SKOR1: variants seen among roughly 807,000 people sequenced by gnomAD.
SKOR1 encodes the protein LBX1 corepressor 1.
SKOR1 carries 38 observed loss-of-function variants against 72.4 expected under a neutral mutation model. The ratio of observed to expected loss-of-function variants is 0.52; its 90% CI spans 0.40 to 0.69. The LOEUF (loss-of-function observed/expected upper bound fraction) is 0.69. Ranked by LOEUF, SKOR1 falls within the 30% of genes least tolerant of loss-of-function variation. The pLI, the probability that SKOR1 is intolerant of heterozygous loss-of-function variation, is 0.00. For synonymous variants in SKOR1, 642 were observed against 599.4 expected (o/e 1.07, Z -1.04); for missense variants, 1,320 against 1,343.2 (o/e 0.98, Z 0.27).
chr15:67,833,946 A>C lies in SKOR1; in HGVS notation c.*110A>C. ...AAGCCATTCGGACCCGACCGATGTA[A>C]ATACAGCCGCCCGTCCGCCCGCCTT... On this transcript the variant is annotated 3_prime_UTR_variant, in exon 9 of 9. Transcript: ENST00000380035. The surrounding 1 kb of genome is among the most constrained non-coding windows in gnomAD (Gnocchi z 6.0). 1 of 1,207,110 alleles carries C rather than the reference A, an allele frequency of 8.3e-7. No individual in the cohort carries two copies. Among genetic ancestry groups the C allele is most frequent in the South Asian group, 1.2e-5 (1 of 81,796 alleles). The allele number at this position is 1,207,110 out of a possible 1,614,324, so 74.8% of individuals were successfully genotyped here. A position where few individuals can be genotyped will look rare whatever the true frequency, so the allele number is the denominator to read the frequency against.
Position 67,833,877 on chromosome 15 carries a change from C to A in SKOR1, c.*41C>A. The A allele has an allele frequency of 8.2e-6, 13 of 1,582,706 alleles. No homozygotes were observed. Among genetic ancestry groups the A allele is most frequent in the Non-Finnish European group, 1.1e-5 (13 of 1,161,708 alleles). On this transcript the variant is annotated 3_prime_UTR_variant, in exon 9 of 9. Transcript: ENST00000380035. The surrounding 1 kb of genome is among the most constrained non-coding windows in gnomAD (Gnocchi z 6.0). The stretch of plus-strand genomic sequence containing the variant: ...ACCCCTGCGCCCTCAAGCCATGCTG[C>A]TCCTTGTAAATACCCGCTGCTGCGG...
chr15:67,831,910 G>GGGGGGGGC (rs2091010978), intron 5 of SKOR1, among the ~76,000 whole-genome samples: 4 of 147,466 alleles, frequency 2.7e-5, no homozygotes, highest in African/African-American at 1.0e-4. Flanking sequence ...GTGCGGGGGG[G>GGGGGGGGC]GGAGGTCGGG....
In SKOR1 at chr15:67,825,838, C is replaced by A; in HGVS notation, c.108-98C>A. 6.6e-7 allele frequency: 1 copy of A among 1,516,080 alleles called. No homozygotes were observed. 93.9% of individuals were successfully genotyped at this position (1,516,080 alleles called of 1,614,324 possible). Reference sequence around the variant, plus strand: ...TTGGACTCCCCACTGCCAAGTATCCCCCGCGCGCCCAACTCGGAGCGCCCT... The same window carrying A: ...TTGGACTCCCCACTGCCAAGTATCCACCGCGCGCCCAACTCGGAGCGCCCT... On this transcript the variant is annotated intron_variant, in intron 1 of 8. Transcript: ENST00000380035. The surrounding 1 kb of genome is among the most constrained non-coding windows in gnomAD (Gnocchi z 5.6).
In SKOR1 at chr15:67,827,564, C is replaced by T. The variant is rs1566975992; in HGVS notation, c.1736C>T (p.Pro579Leu). Residue 579 changes from proline to leucine, a missense_variant, in exon 2 of 9, where the codon CCC becomes CTC. Around this residue, in one of 3 missense-constraint regions of SKOR1, gnomAD observed 1,099 missense variants for 1,025.5 expected, o/e 1.07. Transcript: ENST00000380035. ...CTGCCACCGCCCCTGGCCCCGTTGCCCCCGCCGCCCCCGCCGCCCGCACGC... is the reference window on the plus strand; with the variant it reads ...CTGCCACCGCCCCTGGCCCCGTTGCTCCCGCCGCCCCCGCCGCCCGCACGC... ...EALPPPLAPL[P>L]PPPPPPARKG... is the part of the protein sequence containing the mutation. 1.3e-6 allele frequency: 2 copies of T among 1,517,560 alleles called. No homozygotes were observed. Among genetic ancestry groups the T allele is most frequent in the Non-Finnish European group, 8.8e-7 (1 of 1,140,120 alleles). 94.0% of individuals were successfully genotyped at this position (1,517,560 alleles called of 1,614,324 possible).
intron 5 of SKOR1, 85 bp downstream of exon 5, chr15:67,830,974 G>T (rs1300772140): frequency 3.6e-6 from 5 of 1,400,158 alleles, no homozygotes; most frequent in Admixed American, 1.7e-5. Flanking sequence ...CCTGTAGGGG[G>T]TGAGTGTGGA....
Position 67,832,712 on chromosome 15 carries a change from G to A in SKOR1, c.2737+31G>A. 1.9e-6 allele frequency: 3 copies of A among 1,586,560 alleles called. No homozygotes were observed. Among genetic ancestry groups the A allele is most frequent in the African/African-American group, 1.3e-5 (1 of 74,450 alleles). Reference sequence around the variant, plus strand: ...ACGGGAGTCAGGTGAGCTCGTGCACGGGCCGTAACTGCCTCTCGTCTGGCA... The same window carrying A: ...ACGGGAGTCAGGTGAGCTCGTGCACAGGCCGTAACTGCCTCTCGTCTGGCA... On this transcript the variant is annotated intron_variant, in intron 7 of 8. Coordinates refer to ENST00000380035, the MANE Select transcript of SKOR1 (RefSeq NM_001365915.1). This position sits in a 1 kb window ranked among gnomAD's most constrained non-coding sequence, Gnocchi z 4.5.
In SKOR1 at chr15:67,826,944, C is replaced by T; in HGVS notation, c.1116C>T (p.Tyr372=). The change falls in exon 2 of 9, where the codon TAC becomes TAT. Residue 372 remains tyrosine (Y), a synonymous_variant. Coordinates refer to ENST00000380035, the MANE Select transcript of SKOR1 (RefSeq NM_001365915.1). ...GPGGGAGVRS[Y]PVIPVPSKGF... is the part of the protein sequence containing the mutation. ...GTGGCGGCGCCGGCGTACGAAGCTA[C>T]CCGGTGATCCCGGTGCCCAGCAAAG... The T allele has an allele frequency of 1.9e-6, 3 of 1,589,036 alleles. No individual in the cohort carries two copies. The highest frequency in any genetic ancestry group is 2.6e-6 in the Non-Finnish European group (3 of 1,175,990).
chr15:67,832,398 C>G lies in SKOR1; in HGVS notation c.2662+50C>G, dbSNP rs755860525. The G allele has an allele frequency of 1.9e-6, 3 of 1,599,200 alleles. No homozygotes were observed. Among genetic ancestry groups the G allele is most frequent in the Non-Finnish European group, 2.6e-6 (3 of 1,167,528 alleles). ...CCCACCTCATCACCGAGCCTTCCAC[C>G]AGGGTGCCCCGACCTACTCCGAAAG... On this transcript the variant is annotated intron_variant, in intron 6 of 8. Coordinates refer to ENST00000380035, the MANE Select transcript of SKOR1 (RefSeq NM_001365915.1). This position sits in a 1 kb window ranked among gnomAD's most constrained non-coding sequence, Gnocchi z 4.5.
chr15:67,827,602 G>T lies in SKOR1; in HGVS notation c.1774G>T (p.Val592Leu), dbSNP rs1171372725. ...PPPPARKGSY[V>L]SAFRPVVKDT... ...GCCGCCCGCACGCAAAGGCTCCTACGTGTCGGCCTTCCGGCCGGTGGTCAA... is the reference window on the plus strand; with the variant it reads ...GCCGCCCGCACGCAAAGGCTCCTACTTGTCGGCCTTCCGGCCGGTGGTCAA... Residue 592 changes from valine (V) to leucine (L), a missense_variant, in exon 2 of 9, where the codon GTG (valine) becomes TTG (leucine). By Grantham distance (32) the Val-to-Leu change is conservative (BLOSUM62 1). This residue lies in a region of SKOR1 where 1,099 missense variants were observed against 1,025.5 expected (regional missense o/e 1.07). Transcript: ENST00000380035. 2 of 1,528,272 alleles carry T rather than the reference G, an allele frequency of 1.3e-6. No homozygotes were observed. Among genetic ancestry groups the T allele is most frequent in the Non-Finnish European group, 1.7e-6 (2 of 1,144,144 alleles). The allele number at this position is 1,528,272 out of a possible 1,614,324, so 94.7% of individuals were successfully genotyped here.
chr15:67,830,374 C>A, intron 4 of SKOR1, 76 bp downstream of exon 4: 2 of 1,285,750 alleles, frequency 1.6e-6, no homozygotes, highest in Non-Finnish European at 2.2e-6. Context: ...TTCCCAGAGG[C>A]TTGCGAGAAA....
Position 67,828,159 on chromosome 15 carries a change from C to T in SKOR1, c.2316+15C>T. On this transcript the variant is annotated intron_variant, in intron 2 of 8. Transcript: ENST00000380035. ...CGCCGGCCAAGGTGAGCCCCGCGCC[C>T]GCCCCGCCAGTGGCGCCTTCCCACC... 1 of 1,423,438 alleles carries T rather than the reference C, an allele frequency of 7.0e-7. No homozygotes were observed. Among genetic ancestry groups the T allele is most frequent in the Middle Eastern group, 2.6e-4 (1 of 3,892 alleles). The allele number at this position is 1,423,438 out of a possible 1,614,324, so 88.2% of individuals were successfully genotyped here.
At position 67,829,167 on chromosome 15, in the gene SKOR1, C is replaced by A; in HGVS notation, c.2317-12C>A. ...GCCACCCTAATCGCCTGTCATTTCT[C>A]GGCCGTCGCAGGTGTTCGCGCCCGA... On this transcript the variant is annotated splice_polypyrimidine_tract_variant and intron_variant, in intron 2 of 8. Coordinates refer to ENST00000380035, the MANE Select transcript of SKOR1 (RefSeq NM_001365915.1). 6.5e-7 allele frequency: 1 copy of A among 1,536,322 alleles called. No individual in the cohort carries two copies. Among genetic ancestry groups the A allele is most frequent in the South Asian group, 1.2e-5 (1 of 84,446 alleles).
intron 5 of SKOR1, 116 bp downstream of exon 5, chr15:67,831,005 T>C: frequency 9.8e-7 from 1 of 1,017,640 alleles, no homozygotes; most frequent in Non-Finnish European, 1.5e-6. Flanking sequence ...ACCAAGGCCT[T>C]GGGGGCATGA....
At position 67,826,116 on chromosome 15, in the gene SKOR1, G is replaced by C. The variant is rs757539227; in HGVS notation, c.288G>C (p.Glu96Asp). Residue 96 changes from glutamate to aspartate, a missense_variant, in exon 2 of 9, where the codon GAG (glutamate) becomes GAC (aspartate). Coordinates refer to ENST00000380035, the MANE Select transcript of SKOR1 (RefSeq NM_001365915.1). ...PIVSLVIDGQERLCLAQISNT... is the reference protein window; with the variant it reads ...PIVSLVIDGQDRLCLAQISNT... ...TGTCGCTGGTCATCGACGGCCAGGA[G>C]CGCCTATGCCTGGCGCAGATCTCCA... The C allele has an allele frequency of 3.6e-5, 57 of 1,600,656 alleles. No homozygotes were observed. In the Admixed American group the frequency reaches 9.3e-4, roughly 26 times the overall value.
intron 4 of SKOR1, among the ~76,000 whole-genome samples, 162 bp from the exon 5 acceptor site, chr15:67,830,656 T>C (rs925008493): frequency 3.3e-5 from 5 of 152,146 alleles, no homozygotes; most frequent in Admixed American, 6.5e-5. Flanking sequence ...TCTACTGTAA[T>C]GTCCTAGAAG....
Position 67,827,204 on chromosome 15 carries a change from T to A in SKOR1, c.1376T>A (p.Met459Lys). 6.9e-7 allele frequency: 1 copy of A among 1,457,334 alleles called. No individual in the cohort carries two copies. Among genetic ancestry groups the A allele is most frequent in the Non-Finnish European group, 9.0e-7 (1 of 1,111,594 alleles). The allele number at this position is 1,457,334 out of a possible 1,614,324, so 90.3% of individuals were successfully genotyped here. A position where few individuals can be genotyped will look rare whatever the true frequency, so the allele number is the denominator to read the frequency against. ...GAGAGPGGGA[M>K]FWGHQPSGAA... ...GGGGCGGGCCCGGGCGGCGGCGCCA[T>A]GTTCTGGGGGCATCAACCCTCCGGG... Residue 459 changes from methionine (M) to lysine (K), a missense_variant, in exon 2 of 9, where the codon ATG becomes AAG. Transcript: ENST00000380035.
At position 67,829,276 on chromosome 15, in the gene SKOR1, C is replaced by T; in HGVS notation, c.2407+7C>T. ...TGCACCCCCGAGGCCCACGGTAACG[C>T]CTGTCGCGGCCGCTGGCCACTGTAA... On this transcript the variant is annotated splice_region_variant and intron_variant, in intron 3 of 8. Coordinates refer to ENST00000380035, the MANE Select transcript of SKOR1 (RefSeq NM_001365915.1). 3.3e-6 allele frequency: 5 copies of T among 1,537,972 alleles called. No homozygotes were observed. The highest frequency in any genetic ancestry group is 4.4e-6 in the Non-Finnish European group (5 of 1,147,988).
At position 67,832,233 on chromosome 15, in the gene SKOR1, C is replaced by G; in HGVS notation, c.2588-41C>G. On this transcript the variant is annotated intron_variant, in intron 5 of 8. Coordinates refer to ENST00000380035, the MANE Select transcript of SKOR1 (RefSeq NM_001365915.1). The surrounding 1 kb of genome is among the most constrained non-coding windows in gnomAD (Gnocchi z 4.5). ...AGAACCTGAGCTCCAAATAACCCTG[C>G]TTTACCTCCCACTTTACCTCCCACT... The G allele has an allele frequency of 6.3e-7, 1 of 1,596,316 alleles. No homozygotes were observed. Among genetic ancestry groups the G allele is most frequent in the South Asian group, 1.1e-5 (1 of 90,584 alleles).
rs2091019477 is a variant in SKOR1, at chr15:67,832,878, C to T, written c.2737+197C>T. On this transcript the variant is annotated intron_variant, in intron 7 of 8. Coordinates refer to ENST00000380035, the MANE Select transcript of SKOR1 (RefSeq NM_001365915.1). The surrounding 1 kb of genome is among the most constrained non-coding windows in gnomAD (Gnocchi z 4.5). ...AGCAAACGGCTTGCAGGCATCATTACATGGAGTGATTGAACTTCTTATCGC... is the reference window on the plus strand; with the variant it reads ...AGCAAACGGCTTGCAGGCATCATTATATGGAGTGATTGAACTTCTTATCGC... 3.3e-6 allele frequency: 2 copies of T among 605,092 alleles called. No homozygotes were observed. Among genetic ancestry groups the T allele is most frequent in the Non-Finnish European group, 5.8e-6 (2 of 342,992 alleles). 37.5% of individuals were successfully genotyped at this position (605,092 alleles called of 1,614,324 possible). A position where few individuals can be genotyped will look rare whatever the true frequency, so the allele number is the denominator to read the frequency against.
Sources: gnomAD v4.1 joint callset for allele counts (sites outside exome capture counted in the v4.1 genomes callset) on GRCh38, gnomAD v4.1.1 for gene constraint, gnomAD v4.1.1 regional missense constraint, Gnocchi (gnomAD v3.1) non-coding constraint, MANE v1.5 for transcripts, NCBI Gene and HGNC (gene_info 2026-07-23, HGNC 2026-07-21) for gene names.